Variants in PPP1R9A observed in about 807,000 individuals in gnomAD.
PPP1R9A encodes the protein protein phosphatase 1 regulatory subunit 9A.
A neutral mutation model predicts 141.9 loss-of-function variants in PPP1R9A; 59 were observed. The ratio of observed to expected loss-of-function variants is 0.42; its 90% confidence interval spans 0.34 to 0.52. PPP1R9A has a LOEUF of 0.52. Ranked by LOEUF, PPP1R9A falls within the 20% of genes least tolerant of loss-of-function variation. The pLI, the probability that PPP1R9A is intolerant of heterozygous loss-of-function variation, is 0.10. For missense variants in PPP1R9A, 1,444 were observed against 1,611.9 expected (o/e 0.90, Z 1.78); for synonymous variants, 500 against 569.7 (o/e 0.88, Z 1.74).
rs1177195145 is a variant in PPP1R9A at position 95,268,659 on chromosome 7, G to A, written c.2775G>A (p.Leu925=). ...GCCAGAGACCCTCTAGGACAAGACT[G>A]TATGATAGTGTTAGTTCCACAGATG... ...NRRQRPSRTR[L]YDSVSSTDGE... The change falls in exon 13 of 20, where the codon CTG becomes CTA. Residue 925 remains leucine (L), a synonymous_variant. Transcript: ENST00000433360. The A allele has an allele frequency of 2.5e-6, 4 of 1,613,334 alleles. No homozygotes were observed. The highest frequency in any genetic ancestry group is 1.7e-5 in the Admixed American group (1 of 59,942).
In PPP1R9A at chr7:95,102,877, G is replaced by A. The variant is rs529919617; in HGVS notation, c.1396-8382G>A. Among the ~76,000 whole-genome samples, 5 of 152,306 alleles carry A rather than the reference G, an allele frequency of 3.3e-5. No homozygotes were observed. In the East Asian group the frequency reaches 5.8e-4, roughly 18 times the overall value. On this transcript the variant is annotated intron_variant, in intron 2 of 19. Transcript: ENST00000433360. ...GTGATGACTCATTTTATGGGTCAACGTTGGTAGGCCACAGTACCCAGATAT... is the reference window on the plus strand; with the variant it reads ...GTGATGACTCATTTTATGGGTCAACATTGGTAGGCCACAGTACCCAGATAT...
chr7:95,131,598 T>G (rs977556651), intron 4 of PPP1R9A, among the ~76,000 whole-genome samples: 1 of 152,296 alleles, frequency 6.6e-6, no homozygotes, highest in East Asian at 1.9e-4. Flanking sequence ...TTACGATTGC[T>G]TTGGCTATTT....
intron 18 of PPP1R9A, chr7:95,287,078 C>A (rs1169858272): frequency 1.3e-6 from 2 of 1,597,538 alleles, no homozygotes; most frequent in South Asian, 1.1e-5. Flanking sequence ...TAACACTTTT[C>A]TTCTTGATTC....
intron 3 of PPP1R9A, among the ~76,000 whole-genome samples, chr7:95,117,263 G>A (rs1414276161): frequency 1.3e-5 from 2 of 151,986 alleles, no homozygotes; most frequent in Non-Finnish European, 2.9e-5. Context: ...AAGACAGGGT[G>A]CAGCTGGGTT....
At chr7:95,275,027 T>G (rs1171404085) in intron 16 of PPP1R9A, among the ~76,000 whole-genome samples, 3 of 152,232 alleles carry the variant, frequency 2.0e-5, no homozygotes, top group African/African-American at 7.2e-5. Flanking sequence ...AGATAACAAT[T>G]TGCTGCTATT....
intron 2 of PPP1R9A, among the ~76,000 whole-genome samples, chr7:94,928,086 G>A (rs548437371): frequency 1.3e-5 from 2 of 152,274 alleles, no homozygotes; most frequent in Admixed American, 1.3e-4. Flanking sequence ...AGGAGGAGAG[G>A]AATCATTAGG....
chr7:95,229,085 C>CA (rs1374105046), intron 8 of PPP1R9A, among the ~76,000 whole-genome samples: 1 of 151,954 alleles, frequency 6.6e-6, no homozygotes, highest in East Asian at 1.9e-4. Flanking sequence ...GCCTGAGTGA[C>CA]AGAACCACAC....
At chr7:95,159,548 T>G (rs1830131511) in intron 4 of PPP1R9A, among the ~76,000 whole-genome samples, 1 of 152,162 alleles carries the variant, frequency 6.6e-6, no homozygotes, top group South Asian at 2.1e-4. Context: ...GGTGATTACC[T>G]CTGTATAAGC....
At chr7:95,144,168 T>C (rs1827191196) in intron 4 of PPP1R9A, among the ~76,000 whole-genome samples, 1 of 152,120 alleles carries the variant, frequency 6.6e-6, no homozygotes, top group East Asian at 1.9e-4. Context: ...CTCCCCCCAG[T>C]CCCTGATAAC....
chr7:95,285,042 T>A (rs1805024955), intron 17 of PPP1R9A, among the ~76,000 whole-genome samples: 2 of 152,234 alleles, frequency 1.3e-5, no homozygotes, highest in Non-Finnish European at 2.9e-5. Flanking sequence ...ATGGTAATGT[T>A]CATGTTAAAT....
intron 5 of PPP1R9A, among the ~76,000 whole-genome samples, chr7:95,181,665 A>G (rs1309154898): frequency 1.5e-5 from 2 of 135,500 alleles, no homozygotes; most frequent in Admixed American, 8.1e-5. Flanking sequence ...TCACATATAT[A>G]TAGAATATAT....
chr7:94,995,542 T>A (rs1382559203), intron 2 of PPP1R9A, among the ~76,000 whole-genome samples: 1 of 152,046 alleles, frequency 6.6e-6, no homozygotes, highest in Non-Finnish European at 1.5e-5. Flanking sequence ...GTTTCCATTA[T>A]GTCTTAAATT....
intron 5 of PPP1R9A, among the ~76,000 whole-genome samples, chr7:95,181,095 T>C (rs1041312528): frequency 6.6e-6 from 1 of 150,620 alleles, no homozygotes; most frequent in Non-Finnish European, 1.5e-5. Context: ...GCAACACAGT[T>C]CACAACTGCA....
intron 5 of PPP1R9A, among the ~76,000 whole-genome samples, chr7:95,196,992 T>C (rs913449844): frequency 6.6e-6 from 1 of 152,148 alleles, no homozygotes; most frequent in African/African-American, 2.4e-5. Context: ...AAAAGATAAG[T>C]GAACACTTAA....
intron 2 of PPP1R9A, among the ~76,000 whole-genome samples, chr7:94,924,539 A>AT (rs1050816335): frequency 1.3e-5 from 2 of 151,876 alleles, no homozygotes; most frequent in African/African-American, 2.4e-5. Context: ...CATTATTAGC[A>AT]TTTTTTTGAG....
intron 2 of PPP1R9A, among the ~76,000 whole-genome samples, chr7:95,035,159 C>T (rs1465404763): frequency 6.6e-6 from 1 of 151,908 alleles, no homozygotes; most frequent in Non-Finnish European, 1.5e-5. Flanking sequence ...TTTTATTAGG[C>T]GTAAAAGAGG....
chr7:95,202,883 TG>T (rs1285973014), intron 6 of PPP1R9A, among the ~76,000 whole-genome samples: 1 of 152,096 alleles, frequency 6.6e-6, no homozygotes, highest in African/African-American at 2.4e-5. Flanking sequence ...AAAATAGGTA[TG>T]GTCATTGAAA....
intron 7 of PPP1R9A, among the ~76,000 whole-genome samples, chr7:95,209,434 G>T (rs540746976): frequency 6.6e-6 from 1 of 152,174 alleles, no homozygotes; most frequent in Non-Finnish European, 1.5e-5. Context: ...TGTGGGAAGC[G>T]GTTACATGCA....
At chr7:95,255,497 A>T (rs1799447658) in intron 12 of PPP1R9A, among the ~76,000 whole-genome samples, 1 of 152,146 alleles carries the variant, frequency 6.6e-6, no homozygotes, top group East Asian at 1.9e-4. Context: ...CATTTAAAAA[A>T]TTATTTTGAA....
Sources: gnomAD v4.1 joint callset for allele counts (sites outside exome capture counted in the v4.1 genomes callset) on GRCh38, gnomAD v4.1.1 for gene constraint, MANE v1.5 for transcripts, NCBI Gene and HGNC (gene_info 2026-07-23, HGNC 2026-07-21) for gene names.